GRID1: variants seen among roughly 807,000 people sequenced by gnomAD.
The protein encoded by GRID1 is glutamate ionotropic receptor delta type subunit 1.
A neutral mutation model predicts 98.0 loss-of-function variants in GRID1; 28 were observed. That is an observed-to-expected ratio of 0.29 (90% CI 0.21 to 0.39). The LOEUF (loss-of-function observed/expected upper bound fraction) is 0.39. GRID1 is among the 10% of genes least tolerant of loss of function. GRID1 has a pLI of 1.00. For missense variants in GRID1, 1,111 were observed against 1,340.5 expected (o/e 0.83, Z 2.67); for synonymous variants, 553 against 538.5 (o/e 1.03, Z -0.37).
chr10:86,273,120 T>C (rs1234802555), intron 2 of GRID1, among the ~76,000 whole-genome samples: 1 of 151,504 alleles, frequency 6.6e-6, no homozygotes, highest in Non-Finnish European at 1.5e-5. Flanking sequence ...TGTCCATGTG[T>C]TCTCATTGTT....
intron 2 of GRID1, among the ~76,000 whole-genome samples, chr10:86,313,010 G>C (rs1258196615): frequency 6.6e-6 from 1 of 152,224 alleles, no homozygotes; most frequent in African/African-American, 2.4e-5. Context: ...AGCCTCAGGA[G>C]GCCCCAAGCC....
chr10:86,137,620 A>G (rs1844947917), intron 4 of GRID1, among the ~76,000 whole-genome samples: 1 of 152,242 alleles, frequency 6.6e-6, no homozygotes, highest in Non-Finnish European at 1.5e-5. Flanking sequence ...GAAAGAATGG[A>G]CATGTTAGTG....
At chr10:86,295,350 G>C (rs551357255) in intron 2 of GRID1, among the ~76,000 whole-genome samples, 6 of 152,180 alleles carry the variant, frequency 3.9e-5, no homozygotes, top group African/African-American at 1.4e-4. Flanking sequence ...CAAAGGAGGC[G>C]GACGGATGGG....
chr10:86,272,985 A>T (rs1410537622), intron 2 of GRID1, among the ~76,000 whole-genome samples: 2 of 152,150 alleles, frequency 1.3e-5, no homozygotes, highest in African/African-American at 4.8e-5. Flanking sequence ...ATATGTATAC[A>T]TGTGACATGC....
intron 2 of GRID1, among the ~76,000 whole-genome samples, chr10:86,242,121 CCTCATGGA>C: frequency 6.6e-6 from 1 of 152,220 alleles, no homozygotes. Context: ...CACAGTGGAA[CCTCATGGA>C]AACAATGAGC....
chr10:86,354,274 C>G (rs1270969586), intron 2 of GRID1, among the ~76,000 whole-genome samples: 1 of 152,280 alleles, frequency 6.6e-6, no homozygotes, highest in Admixed American at 6.5e-5. Flanking sequence ...GCCGGTGTCT[C>G]AGCCCGGACC....
chr10:85,806,385 G>C (rs1342803858), intron 8 of GRID1, among the ~76,000 whole-genome samples: 1 of 152,070 alleles, frequency 6.6e-6, no homozygotes, highest in East Asian at 1.9e-4. Flanking sequence ...AGCCAATTTG[G>C]AAAACAGTTC....
intron 8 of GRID1, among the ~76,000 whole-genome samples, chr10:85,787,102 G>A (rs1021994242): frequency 1.3e-5 from 2 of 152,194 alleles, no homozygotes; most frequent in African/African-American, 4.8e-5. Context: ...GTGACATTGA[G>A]TGAGTTACTT....
At chr10:85,972,104 T>C (rs1842415236) in intron 4 of GRID1, among the ~76,000 whole-genome samples, 1 of 151,804 alleles carries the variant, frequency 6.6e-6, no homozygotes, top group South Asian at 2.1e-4. Flanking sequence ...ACATCTCCTG[T>C]GGATCTCATG....
intron 4 of GRID1, among the ~76,000 whole-genome samples, chr10:86,054,899 G>A (rs1004516329): frequency 6.6e-6 from 1 of 152,130 alleles, no homozygotes; most frequent in Non-Finnish European, 1.5e-5. Context: ...ACTTTCTTTG[G>A]CCAATAGAAT....
chr10:85,757,741 C>A (rs905145389), intron 8 of GRID1, among the ~76,000 whole-genome samples: 5 of 152,186 alleles, frequency 3.3e-5, no homozygotes, highest in African/African-American at 1.2e-4. Flanking sequence ...ACTGTGTGAA[C>A]CTAAGGATCT....
chr10:85,864,548 T>C (rs1343338619), intron 6 of GRID1, among the ~76,000 whole-genome samples: 1 of 152,210 alleles, frequency 6.6e-6, no homozygotes, highest in Non-Finnish European at 1.5e-5. Context: ...TGCTCCCATA[T>C]GGGTTTTTAG....
intron 2 of GRID1, among the ~76,000 whole-genome samples, chr10:86,309,207 G>A (rs370652603): frequency 6.6e-6 from 1 of 152,134 alleles, no homozygotes; most frequent in Non-Finnish European, 1.5e-5. Flanking sequence ...AGTAAGGTGA[G>A]TCCCAAAGAC....
intron 13 of GRID1, among the ~76,000 whole-genome samples, chr10:85,637,456 G>A (rs568532920): frequency 6.6e-6 from 1 of 152,314 alleles, no homozygotes; most frequent in East Asian, 1.9e-4. Context: ...AAGGCCTATA[G>A]AACTCAGGAG....
chr10:86,218,463 C>G (rs979183536), intron 2 of GRID1, among the ~76,000 whole-genome samples: 2 of 152,144 alleles, frequency 1.3e-5, no homozygotes, highest in Non-Finnish European at 2.9e-5. Context: ...GAGTGGCCCA[C>G]CCTGCCAGCC....
At chr10:86,177,736 G>A (rs1564698341) in intron 3 of GRID1, among the ~76,000 whole-genome samples, 1 of 152,094 alleles carries the variant, frequency 6.6e-6, no homozygotes, top group Non-Finnish European at 1.5e-5. Flanking sequence ...ATATGTGCAT[G>A]AGCGAGACAG....
intron 4 of GRID1, among the ~76,000 whole-genome samples, chr10:86,095,174 C>T (rs1472359629): frequency 6.6e-6 from 1 of 152,142 alleles, no homozygotes; most frequent in African/African-American, 2.4e-5. Flanking sequence ...GAAACTGAAT[C>T]CTCATCTATC....
chr10:85,732,680 C>T (rs1841838999), intron 8 of GRID1, among the ~76,000 whole-genome samples: 1 of 152,140 alleles, frequency 6.6e-6, no homozygotes, highest in Non-Finnish European at 1.5e-5. Context: ...ATAGCACATC[C>T]TTCAACAGGC....
In GRID1 at chr10:86,045,651, G is replaced by C. The variant is rs563783193; in HGVS notation, c.726+93168C>G. Among the ~76,000 whole-genome samples the C allele has an allele frequency of 1.1e-4, 16 of 152,210 alleles. No individual in the cohort carries two copies. In the East Asian group the frequency reaches 2.5e-3, roughly 24 times the overall value. On this transcript the variant is annotated intron_variant, in intron 4 of 15. Transcript: ENST00000327946. ...GAGAGTGGGGAGAGAGAGTGAGAGA[G>C]TGAGATGGTGGAAGGAAGGCGAGGC... is the stretch of plus-strand genomic sequence containing the variant.
Sources: gnomAD v4.1 joint callset for allele counts (sites outside exome capture counted in the v4.1 genomes callset) on GRCh38, gnomAD v4.1.1 for gene constraint, MANE v1.5 for transcripts, NCBI Gene and HGNC (gene_info 2026-07-23, HGNC 2026-07-21) for gene names.